SLC4A1AP: variants seen among roughly 807,000 people sequenced by gnomAD.
SLC4A1AP encodes kanadaptin.
Under a neutral mutation model 89.7 loss-of-function variants are expected in SLC4A1AP, and 64 were observed. That is an observed-to-expected ratio of 0.71 (90% confidence interval 0.58 to 0.88). SLC4A1AP has a LOEUF of 0.88. Among genes scored for constraint, SLC4A1AP ranks in the 40% least tolerant of loss-of-function variants. The pLI is 0.00. For missense variants in SLC4A1AP, 931 were observed against 965.0 expected (o/e 0.96, Z 0.47); for synonymous variants, 366 against 353.3 (o/e 1.04, Z -0.40).
At chr2:27,671,064 T>A (rs983022445) in intron 5 of SLC4A1AP, among the ~76,000 whole-genome samples, 21 of 151,516 alleles carry the variant, frequency 1.4e-4, no homozygotes, top group African/African-American at 5.1e-4. Flanking sequence ...GCTGGGACTA[T>A]AGGTGCGTGC....
intron 9 of SLC4A1AP, among the ~76,000 whole-genome samples, chr2:27,683,826 C>T (rs1335838830): frequency 6.6e-6 from 1 of 152,108 alleles, no homozygotes; most frequent in Non-Finnish European, 1.5e-5. Context: ...ACCTCCTCCT[C>T]CCGGGTTCAA....
intron 12 of SLC4A1AP, chr2:27,692,565 G>A (rs1558511338): frequency 6.6e-6 from 1 of 152,170 alleles, no homozygotes; most frequent in African/African-American, 2.4e-5. Context: ...TTGATGATCT[G>A]TTTGCTGTTG....
At chr2:27,673,790 A>C (rs2148133831) in intron 5 of SLC4A1AP, among the ~76,000 whole-genome samples, 1 of 152,300 alleles carries the variant, frequency 6.6e-6, no homozygotes. Context: ...TATATTAATA[A>C]GGACTATTTT....
intron 8 of SLC4A1AP, among the ~76,000 whole-genome samples, chr2:27,680,261 A>G (rs1026625170): frequency 2.0e-5 from 3 of 151,904 alleles, no homozygotes; most frequent in Admixed American, 2.0e-4. Context: ...GGGGACAGCA[A>G]TGGGAGGGAG....
intron 6 of SLC4A1AP, among the ~76,000 whole-genome samples, chr2:27,676,086 C>T (rs1675516921): frequency 6.6e-6 from 1 of 152,228 alleles, no homozygotes; most frequent in East Asian, 1.9e-4. Context: ...TAGTCTGAAA[C>T]AGTATGTTCT....
intron 3 of SLC4A1AP, 163 bp from the exon 4 acceptor site, chr2:27,668,680 A>C (rs749817714): frequency 1.4e-6 from 1 of 722,782 alleles, no homozygotes; most frequent in Non-Finnish European, 2.5e-6. Flanking sequence ...GCGCTCCTTA[A>C]CTCAAGCTGT....
At chr2:27,666,871 ATTT>A (rs61280972) in intron 2 of SLC4A1AP, among the ~76,000 whole-genome samples, 125 of 135,242 alleles carry the variant, frequency 9.2e-4, no homozygotes, top group African/African-American at 1.9e-3. Context: ...ATATATATAT[ATTT>A]TTTTTTTTTT....
intron 9 of SLC4A1AP, 51 bp from the exon 10 acceptor site, chr2:27,684,986 C>G: frequency 1.3e-6 from 2 of 1,536,958 alleles, no homozygotes; most frequent in Admixed American, 2.2e-5. Flanking sequence ...AGATTTTTCT[C>G]TTGTTGTCAT....
chr2:27,671,151 G>A (rs1675423133), intron 5 of SLC4A1AP, among the ~76,000 whole-genome samples: 1 of 151,904 alleles, frequency 6.6e-6, no homozygotes, highest in African/African-American at 2.4e-5. Context: ...TCGAACTCCT[G>A]ACCTCATGAT....
At chr2:27,685,194 A>G (rs2148138992) in exon 10 of SLC4A1AP, 1 of 1,614,238 alleles carries the variant, frequency 6.2e-7, no homozygotes, top group East Asian at 2.2e-5. Context: ...AGTAGGCCAC[A>G]GCCAGAGATA....
At chr2:27,690,426 T>C (rs887217641) in intron 12 of SLC4A1AP, among the ~76,000 whole-genome samples, 7 of 152,196 alleles carry the variant, frequency 4.6e-5, no homozygotes, top group African/African-American at 1.7e-4. Flanking sequence ...CACTCCTAAG[T>C]TACTTTGCTT....
At chr2:27,668,794 G>A in intron 3 of SLC4A1AP, 49 bp from the exon 4 acceptor site, 1 of 1,517,174 alleles carries the variant, frequency 6.6e-7, no homozygotes, top group Non-Finnish European at 9.1e-7. Flanking sequence ...GTATCAACTA[G>A]TAATTTTTGG....
At chr2:27,693,125 T>TTTTGCAACGTAGAGTAGGGG in intron 12 of SLC4A1AP, 1 of 131,916 alleles carries the variant, frequency 7.6e-6, no homozygotes, top group South Asian at 2.1e-4. Flanking sequence ...TTAGTAGAGA[T>TTTTGCAACGTAGAGTAGGGG]TTTGCAACGT....
rs949325349 is a variant in SLC4A1AP, at chr2:27,672,595, C to T, written c.1346-2937C>T. Among the ~76,000 whole-genome samples, 5 of 152,060 alleles carry T rather than the reference C, an allele frequency of 3.3e-5. No individual in the cohort carries two copies. In the East Asian group the frequency reaches 5.8e-4, roughly 18 times the overall value. The stretch of plus-strand genomic sequence containing the variant: ...TGTTATTTTTCTTTTTATGTGGTCT[C>T]TGTTCTGCATGTTAAAGGCTTTTCT... On this transcript the variant is annotated intron_variant, in intron 5 of 13. Coordinates refer to ENST00000613058, the Ensembl canonical transcript of SLC4A1AP.
At chr2:27,677,802 T>G (rs762244829) in exon 8 of SLC4A1AP, 75 of 1,613,618 alleles carry the variant, frequency 4.6e-5, no homozygotes, top group Non-Finnish European at 6.2e-5. Context: ...AATCAGGCAG[T>G]ACATTAGATG....
chr2:27,682,223 G>T, intron 8 of SLC4A1AP, 25 bp from the exon 9 acceptor site: 1 of 1,483,988 alleles, frequency 6.7e-7, no homozygotes, highest in Non-Finnish European at 9.4e-7. Flanking sequence ...TGGAATAGAT[G>T]TGTATAATTA....
At chr2:27,665,341 T>G in intron 2 of SLC4A1AP, 46 bp downstream of exon 2, 1 of 1,475,262 alleles carries the variant, frequency 6.8e-7, no homozygotes. Context: ...TTAAGTTCAT[T>G]ACAAGTGGTA....
chr2:27,668,928 C>T (rs1675377832), intron 4 of SLC4A1AP, 25 bp downstream of exon 4: 2 of 1,608,404 alleles, frequency 1.2e-6, no homozygotes, highest in Middle Eastern at 1.7e-4. Flanking sequence ...TATTAATGTT[C>T]TTTTCTGGAA....
At chr2:27,677,026 C>T (rs1675535145) in intron 6 of SLC4A1AP, among the ~76,000 whole-genome samples, 1 of 151,922 alleles carries the variant, frequency 6.6e-6, no homozygotes. Context: ...GTAGTCCCAG[C>T]TACTTGGGAG....
Sources: allele counts gnomAD v4.1 joint callset (sites outside exome capture counted in the v4.1 genomes callset), GRCh38; gene constraint gnomAD v4.1.1; transcripts MANE v1.5; gene names NCBI Gene and HGNC (gene_info 2026-07-23, HGNC 2026-07-21).